The following FSBP variants were observed in gnomAD, a reference collection of about 807,000 sequenced individuals.
The protein encoded by FSBP is fibrinogen silencer-binding protein.
In FSBP, 18 loss-of-function variants were observed where a neutral mutation model predicts 24.6. That is an observed-to-expected ratio of 0.73 (90% CI 0.51 to 1.08). The LOEUF (loss-of-function observed/expected upper bound fraction) is 1.08. FSBP is among the 50% of genes least tolerant of loss of function. FSBP has a pLI of 0.00. For synonymous variants in FSBP, 110 were observed against 125.8 expected (o/e 0.87, Z 0.84); for missense variants, 305 against 347.6 (o/e 0.88, Z 0.98).
rs1812056788 is a variant in FSBP, at chr8:94,430,276, A to C, written c.*1855T>G. ...CAGTGAGCCAACATCGCACCACTGCACTCCAACCTAGGTGACAAAGCAAGA... is the reference window on the plus strand; with the variant it reads ...CAGTGAGCCAACATCGCACCACTGCCCTCCAACCTAGGTGACAAAGCAAGA... On this transcript the variant is annotated 3_prime_UTR_variant, in exon 2 of 2. Transcript: ENST00000481490. The C allele has an allele frequency of 1.1e-6, 1 of 899,516 alleles. No individual in the cohort carries two copies. The highest frequency in any genetic ancestry group is 5.1e-5 in the South Asian group (1 of 19,444). The allele number at this position is 899,516 out of a possible 1,614,324, so 55.7% of individuals were successfully genotyped here. A position where few individuals can be genotyped will look rare whatever the true frequency, so the allele number is the denominator to read the frequency against.
intron 1 of FSBP, among the ~76,000 whole-genome samples, chr8:94,434,526 T>C (rs1812204702): frequency 6.6e-6 from 1 of 151,844 alleles, no homozygotes; most frequent in Non-Finnish European, 1.5e-5. Context: ...GGTATATATT[T>C]TTAAGTATGT....
chr8:94,431,246 A>AT lies in FSBP; in HGVS notation c.*884dup, dbSNP rs1471006084. The AT allele has an allele frequency of 1.0e-6, 1 of 964,386 alleles. No homozygotes were observed. The highest frequency in any genetic ancestry group is 1.2e-6 in the Non-Finnish European group (1 of 811,122). The allele number at this position is 964,386 out of a possible 1,614,324, so 59.7% of individuals were successfully genotyped here. ...CATTCTGATTTTTACTGTGAAAGAA[A>AT]TTTTTTCCAGAACAGGACATTCAAA... is the stretch of plus-strand genomic sequence containing the variant. On this transcript the variant is annotated 3_prime_UTR_variant, in exon 2 of 2. Coordinates refer to ENST00000481490, the MANE Select transcript of FSBP (RefSeq NM_001256141.2).
Position 94,429,897 on chromosome 8 carries a change from GT to G in FSBP, c.*2233del. 1.0e-6 allele frequency: 1 copy of G among 985,248 alleles called. No individual in the cohort carries two copies. The highest frequency in any genetic ancestry group is 1.2e-6 in the Non-Finnish European group (1 of 829,902). The allele number at this position is 985,248 out of a possible 1,614,324, so 61.0% of individuals were successfully genotyped here. ...GCCATAACTTAAATTTCTGATTTAA[GT>G]TCTTCCAATACAATGCCTGTCCCTA... On this transcript the variant is annotated 3_prime_UTR_variant, in exon 2 of 2. Coordinates refer to ENST00000481490, the MANE Select transcript of FSBP (RefSeq NM_001256141.2).
Position 94,432,146 on chromosome 8 carries a change from T to C in FSBP, c.885A>G (p.Glu295=), listed in dbSNP as rs1384462227. ...KAIRLRHDLP[E]YNSL is the part of the protein sequence containing the mutation. ...AAAAAAAAACTTAGAGACTGTTATA[T>C]TCAGGTAGATCATGCCGTAAGCGAA... The change falls in exon 2 of 2, where the codon GAA becomes GAG. Residue 295 remains glutamate, a synonymous_variant. Coordinates refer to ENST00000481490, the MANE Select transcript of FSBP (RefSeq NM_001256141.2). 9 of 1,548,640 alleles carry C rather than the reference T, an allele frequency of 5.8e-6. No homozygotes were observed. Among genetic ancestry groups the C allele is most frequent in the Non-Finnish European group, 7.9e-6 (9 of 1,146,432 alleles).
In FSBP at chr8:94,432,565, G is replaced by C; in HGVS notation, c.466C>G (p.Gln156Glu). ...HPVAITVEVK[Q>E]EEDIKPPPPL... is the part of the protein sequence containing the mutation. ...GGAGGTGGTTTAATGTCTTCTTCTT[G>C]CTTCACCTCCACTGTAATAGCAACA... Residue 156 changes from glutamine to glutamate, a missense_variant, in exon 2 of 2, where the codon CAA (glutamine) becomes GAA (glutamate). By Grantham distance (29) the Gln-to-Glu change is conservative. Coordinates refer to ENST00000481490, the MANE Select transcript of FSBP (RefSeq NM_001256141.2). The C allele has an allele frequency of 6.5e-7, 1 of 1,550,212 alleles. No homozygotes were observed. The highest frequency in any genetic ancestry group is 8.7e-7 in the Non-Finnish European group (1 of 1,146,794).
At position 94,428,713 on chromosome 8, in the gene FSBP, T is replaced by G. The variant is rs1470966460; in HGVS notation, c.*3418A>C. On this transcript the variant is annotated 3_prime_UTR_variant, in exon 2 of 2. Transcript: ENST00000481490. ...TAGTTCAATCTGCAGATGTGAAACCTGCAGATAGAAAGCCAAGTGTACATT... is the reference window on the plus strand; with the variant it reads ...TAGTTCAATCTGCAGATGTGAAACCGGCAGATAGAAAGCCAAGTGTACATT... 2 of 964,340 alleles carry G rather than the reference T, an allele frequency of 2.1e-6. No individual in the cohort carries two copies. The highest frequency in any genetic ancestry group is 3.5e-5 in the African/African-American group (2 of 56,708). The allele number at this position is 964,340 out of a possible 1,614,324, so 59.7% of individuals were successfully genotyped here.
chr8:94,436,944 C>A lies in FSBP; in HGVS notation c.-76G>T. 6.9e-7 allele frequency: 1 copy of A among 1,451,058 alleles called. No individual in the cohort carries two copies. The highest frequency in any genetic ancestry group is 9.1e-7 in the Non-Finnish European group (1 of 1,104,270). The allele number at this position is 1,451,058 out of a possible 1,614,324, so 89.9% of individuals were successfully genotyped here. A position where few individuals can be genotyped will look rare whatever the true frequency, so the allele number is the denominator to read the frequency against. On this transcript the variant is annotated 5_prime_UTR_variant, in exon 1 of 2. Transcript: ENST00000481490. ...AGCTCTGCTCAGCTCTTTTCACAAA[C>A]AGAAAAAGATCAGGCTTAACTAGGC...
chr8:94,429,393 T>C lies in FSBP; in HGVS notation c.*2738A>G. Reference sequence around the variant, plus strand: ...AAAATAAAAAAGATGTATACTGCACTTTTTTTTAACACAGATCTCTTTTCT... The same window carrying C: ...AAAATAAAAAAGATGTATACTGCACCTTTTTTTAACACAGATCTCTTTTCT... On this transcript the variant is annotated 3_prime_UTR_variant, in exon 2 of 2. Transcript: ENST00000481490. 1.2e-6 allele frequency: 1 copy of C among 822,042 alleles called. No homozygotes were observed. The highest frequency in any genetic ancestry group is 5.6e-5 in the South Asian group (1 of 17,798). 50.9% of individuals were successfully genotyped at this position (822,042 alleles called of 1,614,324 possible). A position where few individuals can be genotyped will look rare whatever the true frequency, so the allele number is the denominator to read the frequency against.
rs1812105880 is a variant in FSBP at position 94,431,920 on chromosome 8, AAAG to A, written c.*208_*210del. ...CAACAATTAAACTTAGGGAAAAAAA[AAAG>A]AAGACAATAAAAACTATAACCATGC... On this transcript the variant is annotated 3_prime_UTR_variant, in exon 2 of 2. Coordinates refer to ENST00000481490, the MANE Select transcript of FSBP (RefSeq NM_001256141.2). 4 of 1,232,536 alleles carry A rather than the reference AAAG, an allele frequency of 3.2e-6. No homozygotes were observed. Among genetic ancestry groups the A allele is most frequent in the South Asian group, 5.8e-5 (2 of 34,640 alleles). 76.3% of individuals were successfully genotyped at this position (1,232,536 alleles called of 1,614,324 possible).
rs1235829650 is a variant in FSBP, at chr8:94,436,736, A to T, written c.133T>A (p.Cys45Ser). ...KHSVIVEKNR[C>S]WDIIAVNYNA... The stretch of plus-strand genomic sequence containing the variant: ...TAGTTAACTGCTATGATATCCCAAC[A>T]TCTATTCTTTTCTACTATTACTGAA... The change falls in exon 1 of 2, where the codon TGT becomes AGT. Residue 45 changes from cysteine (C) to serine (S), a missense_variant. Physicochemically the swap from Cys to Ser is moderately radical, Grantham distance 112. Coordinates refer to ENST00000481490, the MANE Select transcript of FSBP (RefSeq NM_001256141.2). The T allele has an allele frequency of 6.4e-7, 1 of 1,550,670 alleles. No individual in the cohort carries two copies. Among genetic ancestry groups the T allele is most frequent in the South Asian group, 1.2e-5 (1 of 84,054 alleles).
chr8:94,431,491 C>A lies in FSBP; in HGVS notation c.*640G>T. 8 of 981,602 alleles carry A rather than the reference C, an allele frequency of 8.1e-6. No individual in the cohort carries two copies. The highest frequency in any genetic ancestry group is 9.7e-6 in the Non-Finnish European group (8 of 826,554). 60.8% of individuals were successfully genotyped at this position (981,602 alleles called of 1,614,324 possible). Reference sequence around the variant, plus strand: ...TGTTTTAGTGGATATTTACTTCTATCGAATAGCGGGATGGAAATTACACAA... The same window carrying A: ...TGTTTTAGTGGATATTTACTTCTATAGAATAGCGGGATGGAAATTACACAA... On this transcript the variant is annotated 3_prime_UTR_variant, in exon 2 of 2. Coordinates refer to ENST00000481490, the MANE Select transcript of FSBP (RefSeq NM_001256141.2).
At chr8:94,434,852 T>G (rs1186753719) in intron 1 of FSBP, among the ~76,000 whole-genome samples, 3 of 151,462 alleles carry the variant, frequency 2.0e-5, no homozygotes, top group African/African-American at 7.3e-5. Context: ...ACAAATCAAC[T>G]CATTTTTATC....
At position 94,432,667 on chromosome 8, in the gene FSBP, C is replaced by A. The variant is rs1326070087; in HGVS notation, c.375-11G>T. 2 of 1,469,204 alleles carry A rather than the reference C, an allele frequency of 1.4e-6. No homozygotes were observed. The highest frequency in any genetic ancestry group is 1.4e-5 in the African/African-American group (1 of 69,964). The allele number at this position is 1,469,204 out of a possible 1,614,324, so 91.0% of individuals were successfully genotyped here. On this transcript the variant is annotated splice_polypyrimidine_tract_variant and intron_variant, in intron 1 of 1. Transcript: ENST00000481490. Reference sequence around the variant, plus strand: ...TCATCCAAGTTTGCACTATAGCACACAAAAAAGCATTATAATATGTAAATC... The same window carrying A: ...TCATCCAAGTTTGCACTATAGCACAAAAAAAAGCATTATAATATGTAAATC...
chr8:94,436,353 T>C (rs1812260120), intron 1 of FSBP, 142 bp downstream of exon 1: 1 of 1,164,242 alleles, frequency 8.6e-7, no homozygotes. Flanking sequence ...ACTTTTCTCT[T>C]TTTAAAAAAT....
chr8:94,435,329 C>G (rs1812226449), intron 1 of FSBP, among the ~76,000 whole-genome samples: 1 of 151,996 alleles, frequency 6.6e-6, no homozygotes, highest in Admixed American at 6.6e-5. Context: ...TAAGCAGTAT[C>G]TGGTAAGAAG....
intron 1 of FSBP, 84 bp downstream of exon 1, chr8:94,436,411 A>G: frequency 7.1e-7 from 1 of 1,414,870 alleles, no homozygotes; most frequent in Non-Finnish European, 9.3e-7. Context: ...GATGCTTACT[A>G]TGCATATCTC....
In FSBP at chr8:94,430,129, C is replaced by T; in HGVS notation, c.*2002G>A. The T allele has an allele frequency of 1.4e-6, 1 of 701,104 alleles. No individual in the cohort carries two copies. The highest frequency in any genetic ancestry group is 1.8e-6 in the Non-Finnish European group (1 of 570,900). 43.4% of individuals were successfully genotyped at this position (701,104 alleles called of 1,614,324 possible). A position where few individuals can be genotyped will look rare whatever the true frequency, so the allele number is the denominator to read the frequency against. ...GAGATCAAGACCATCCTGGCTAACA[C>T]AGTGAAACCCCGTCTCTACTAAAAA... On this transcript the variant is annotated 3_prime_UTR_variant, in exon 2 of 2. Transcript: ENST00000481490.
At chr8:94,432,904 AAAT>A (rs1166180290) in intron 1 of FSBP, among the ~76,000 whole-genome samples, 4 of 152,138 alleles carry the variant, frequency 2.6e-5, no homozygotes, top group African/African-American at 9.7e-5. Context: ...AGGAAATTAC[AAAT>A]ATTATAGAAG....
At chr8:94,433,141 A>G (rs974408096) in intron 1 of FSBP, among the ~76,000 whole-genome samples, 15 of 152,254 alleles carry the variant, frequency 9.9e-5, no homozygotes, top group Middle Eastern at 3.4e-3. Flanking sequence ...AAGGCCATCT[A>G]TGGGAGGTAC....
Sources: gnomAD v4.1 joint callset for allele counts (sites outside exome capture counted in the v4.1 genomes callset) on GRCh38, gnomAD v4.1.1 for gene constraint, MANE v1.5 for transcripts, NCBI Gene and HGNC (gene_info 2026-07-23, HGNC 2026-07-21) for gene names.